Variants in STK32B observed in about 807,000 individuals in gnomAD.
STK32B encodes serine/threonine kinase 32B.
Under a neutral mutation model 52.6 loss-of-function variants are expected in STK32B, and 43 were observed. The observed-to-expected ratio is 0.82, with a 90% CI of 0.64 to 1.05. STK32B has a LOEUF of 1.05. STK32B is among the 50% of genes least tolerant of loss of function. STK32B has a pLI of 0.00. For missense variants in STK32B, 621 were observed against 534.6 expected (o/e 1.16, Z -1.59); for synonymous variants, 238 against 204.3 (o/e 1.17, Z -1.41).
chr4:5,355,210 G>A (rs1289372588), intron 4 of STK32B, among the ~76,000 whole-genome samples: 2 of 152,204 alleles, frequency 1.3e-5, no homozygotes, highest in Non-Finnish European at 2.9e-5. Context: ...GCATGTTTAA[G>A]CTTAGTACCT....
chr4:5,316,892 TATATATAATATATAATATATATG>T (rs1560311952), intron 3 of STK32B, among the ~76,000 whole-genome samples: 803 of 6,142 alleles, frequency 0.13, 40 homozygotes, highest in Middle Eastern at 0.25. Context: ...TTATATATAT[TATATATAATATATAATATATATG>T]ATATAATATA....
chr4:5,214,114 G>A (rs140222073), intron 3 of STK32B: 1 of 152,248 alleles, frequency 6.6e-6, no homozygotes, highest in Non-Finnish European at 1.5e-5. Context: ...TCATGTTGGG[G>A]GAGGGACCTG....
intron 3 of STK32B, among the ~76,000 whole-genome samples, chr4:5,221,574 G>C (rs957723206): frequency 4.6e-5 from 7 of 152,200 alleles, no homozygotes; most frequent in African/African-American, 1.4e-4. Flanking sequence ...GATGCTGTCA[G>C]TGCTTCATGT....
chr4:5,192,120 A>T (rs1402457377), intron 3 of STK32B, among the ~76,000 whole-genome samples: 1 of 152,200 alleles, frequency 6.6e-6, no homozygotes, highest in Admixed American at 6.5e-5. Flanking sequence ...TATTGTGGAG[A>T]ACACTTTGAG....
intron 4 of STK32B, among the ~76,000 whole-genome samples, chr4:5,375,094 C>T (rs1162269801): frequency 2.0e-5 from 3 of 152,162 alleles, no homozygotes; most frequent in African/African-American, 7.2e-5. Flanking sequence ...AGTCCCCTCC[C>T]ACCCCTGGTG....
chr4:5,485,336 T>C (rs1719063932), intron 11 of STK32B, among the ~76,000 whole-genome samples: 1 of 152,182 alleles, frequency 6.6e-6, no homozygotes, highest in Non-Finnish European at 1.5e-5. Flanking sequence ...TTTTCATTCA[T>C]TTCATCTTCC....
chr4:5,398,186 C>T lies in STK32B; in HGVS notation c.435-21C>T. On this transcript the variant is annotated intron_variant, in intron 4 of 11. Transcript: ENST00000282908. This position sits in a 1 kb window ranked among gnomAD's most constrained non-coding sequence, Gnocchi z 4.9. The stretch of plus-strand genomic sequence containing the variant: ...GTGGGCTCAGGAACCACATTGCCAG[C>T]TTCTTTGTTTTCTTTTACAGAGACA... 6.2e-7 allele frequency: 1 copy of T among 1,613,696 alleles called. No individual in the cohort carries two copies. Among genetic ancestry groups the T allele is most frequent in the South Asian group, 1.1e-5 (1 of 91,012 alleles).
rs1258285582 is a variant in STK32B at position 5,317,071 on chromosome 4, TTATATATTATA to T, written c.261-14142_261-14132del. Among the ~76,000 whole-genome samples, 27 of 29,032 alleles carry T rather than the reference TTATATATTATA, an allele frequency of 9.3e-4. 3 individuals carry two copies. Among genetic ancestry groups the T allele is most frequent in the Admixed American group, 1.9e-3 (3 of 1,586 alleles). 19.0% of individuals were successfully genotyped at this position (29,032 alleles called of 152,430 possible). On this transcript the variant is annotated intron_variant, in intron 3 of 11. Coordinates refer to ENST00000282908, the MANE Select transcript of STK32B (RefSeq NM_018401.3). ...TATATAATATATATGATATAATATA[TTATATATTATA>T]TATATAATATATATGATATAATATA... is the stretch of plus-strand genomic sequence containing the variant.
At chr4:5,370,714 C>T (rs115498884) in intron 4 of STK32B, among the ~76,000 whole-genome samples, 41 of 152,136 alleles carry the variant, frequency 2.7e-4, no homozygotes, top group South Asian at 2.5e-3. Flanking sequence ...TTCTGACAGC[C>T]GGGCATAGTG....
At chr4:5,287,933 C>CT (rs945554689) in intron 3 of STK32B, among the ~76,000 whole-genome samples, 48 of 152,268 alleles carry the variant, frequency 3.2e-4, no homozygotes, top group Admixed American at 5.2e-4. Flanking sequence ...CCTGCTCCTC[C>CT]TAGCCCCCAG....
chr4:5,241,738 C>A (rs1320333632), intron 3 of STK32B, among the ~76,000 whole-genome samples: 1 of 152,056 alleles, frequency 6.6e-6, no homozygotes, highest in Non-Finnish European at 1.5e-5. Context: ...CCCACCACCC[C>A]ACAACAGTCC....
At chr4:5,145,495 C>A (rs1422871426) in intron 2 of STK32B, among the ~76,000 whole-genome samples, 1 of 152,130 alleles carries the variant, frequency 6.6e-6, no homozygotes, top group Non-Finnish European at 1.5e-5. Flanking sequence ...CCCTCTTGAC[C>A]CTTTACTGTC....
intron 7 of STK32B, among the ~76,000 whole-genome samples, chr4:5,451,110 G>T (rs898008175): frequency 6.6e-6 from 1 of 152,148 alleles, no homozygotes; most frequent in African/African-American, 2.4e-5. Flanking sequence ...GGGCATAGGC[G>T]GTGTCTGGCA....
At position 5,498,372 on chromosome 4, in the gene STK32B, A is replaced by G. The variant is rs115860485; in HGVS notation, c.1107-573A>G. Reference sequence around the variant, plus strand: ...CCCCCTCAACATAGTTTGTAATAGGATATTTTGTAAGTCTGTGTTTAACAA... The same window carrying G: ...CCCCCTCAACATAGTTTGTAATAGGGTATTTTGTAAGTCTGTGTTTAACAA... On this transcript the variant is annotated intron_variant, in intron 11 of 11. Transcript: ENST00000282908. Among the ~76,000 whole-genome samples the G allele has an allele frequency of 9.8e-3, 1,493 of 151,720 alleles. 23 individuals carry two copies. Among genetic ancestry groups the G allele is most frequent in the African/African-American group, 0.034 (1,401 of 41,028 alleles).
chr4:5,079,395 A>T (rs1035640056), intron 1 of STK32B, among the ~76,000 whole-genome samples: 3 of 152,190 alleles, frequency 2.0e-5, no homozygotes, highest in Non-Finnish European at 4.4e-5. Context: ...CCAAATTATT[A>T]TTCATAAAAT....
chr4:5,026,968 C>T, the STK32B span, among the ~76,000 whole-genome samples: 5 of 152,180 alleles, frequency 3.3e-5, no homozygotes, highest in African/African-American at 9.7e-5. Flanking sequence ...AACACATCAA[C>T]GCTTGCAAAG....
At chr4:5,111,570 A>C (rs375196083) in intron 1 of STK32B, among the ~76,000 whole-genome samples, 2 of 152,130 alleles carry the variant, frequency 1.3e-5, no homozygotes, top group African/African-American at 4.8e-5. Context: ...TGAAGGCTAC[A>C]CATGGACATA....
intron 7 of STK32B, among the ~76,000 whole-genome samples, chr4:5,454,801 C>T (rs552363451): frequency 4.3e-4 from 65 of 152,148 alleles, no homozygotes; most frequent in Non-Finnish European, 7.8e-4. Context: ...CAGTTAAGAT[C>T]GGCTCTCATC....
intron 4 of STK32B, among the ~76,000 whole-genome samples, chr4:5,342,141 G>A (rs144282607): frequency 0.058 from 8,839 of 152,146 alleles, 313 homozygotes; most frequent in African/African-American, 0.072. Flanking sequence ...ACAGTGTGGC[G>A]ATTCCTCAAG....
Sources: gnomAD v4.1 joint callset for allele counts (sites outside exome capture counted in the v4.1 genomes callset) on GRCh38, gnomAD v4.1.1 for gene constraint, Gnocchi (gnomAD v3.1) non-coding constraint, MANE v1.5 for transcripts, NCBI Gene and HGNC (gene_info 2026-07-23, HGNC 2026-07-21) for gene names.